Variants in TTC23L observed in about 807,000 individuals in gnomAD.
TTC23L encodes the protein tetratricopeptide repeat protein 23-like.
Under a neutral mutation model 48.1 loss-of-function variants are expected in TTC23L, and 42 were observed. The observed-to-expected ratio is 0.87, with a 90% confidence interval of 0.68 to 1.13. The LOEUF is 1.13. Among genes scored for constraint, TTC23L ranks in the 50% most tolerant of loss-of-function variants. TTC23L has a pLI of 0.00. For synonymous variants in TTC23L, 159 were observed against 157.2 expected (o/e 1.01, Z -0.09); for missense variants, 391 against 421.0 (o/e 0.93, Z 0.62).
At chr5:34,925,655 T>C in the TTC23L span, 1 of 608,400 alleles carries the variant, frequency 1.6e-6, no homozygotes, top group Non-Finnish European at 2.7e-6. Flanking sequence ...TTTTTCTAAA[T>C]AAAATATCAC....
intron 4 of TTC23L, 38 bp from the exon 5 acceptor site, chr5:34,862,860 T>G (rs1159974398): frequency 6.2e-6 from 10 of 1,610,670 alleles, no homozygotes; most frequent in Non-Finnish European, 7.6e-6. Flanking sequence ...GCCTTTTTAA[T>G]GTCTGTCTTC....
intron 2 of TTC23L, among the ~76,000 whole-genome samples, chr5:34,843,203 A>G (rs1216396705): frequency 6.6e-6 from 1 of 152,194 alleles, no homozygotes; most frequent in Non-Finnish European, 1.5e-5. Flanking sequence ...TTCACAGTAA[A>G]ATATCTGGGA....
At chr5:34,851,262 A>C (rs1028977510) in intron 4 of TTC23L, among the ~76,000 whole-genome samples, 2 of 152,172 alleles carry the variant, frequency 1.3e-5, no homozygotes, top group Admixed American at 6.5e-5. Context: ...TTATGGGCTT[A>C]AGTGATTTGA....
intron 4 of TTC23L, among the ~76,000 whole-genome samples, chr5:34,857,092 TA>T (rs1760196354): frequency 6.6e-6 from 1 of 152,132 alleles, no homozygotes; most frequent in South Asian, 2.1e-4. Context: ...GCAGAGTGTA[TA>T]AAAGTTGGTT....
At chr5:34,841,442 A>G (rs142795968) in intron 2 of TTC23L, among the ~76,000 whole-genome samples, 396 of 152,360 alleles carry the variant, frequency 2.6e-3, no homozygotes, top group African/African-American at 9.2e-3. Context: ...AAGAGATGTT[A>G]GGGAGTTTGC....
intron 2 of TTC23L, among the ~76,000 whole-genome samples, chr5:34,844,476 GTTA>G (rs1185105612): frequency 6.8e-6 from 1 of 147,756 alleles, no homozygotes; most frequent in Admixed American, 6.7e-5. Flanking sequence ...ACACTTGGCA[GTTA>G]TTTTCTTCTT....
chr5:34,894,301 T>C (rs1763065654), intron 9 of TTC23L, among the ~76,000 whole-genome samples: 1 of 152,164 alleles, frequency 6.6e-6, no homozygotes, highest in Non-Finnish European at 1.5e-5. Context: ...TGTCTACCAG[T>C]AGAAATACTA....
At chr5:34,919,473 AC>A in the TTC23L span, among the ~76,000 whole-genome samples, 1 of 152,048 alleles carries the variant, frequency 6.6e-6, no homozygotes, top group African/African-American at 2.4e-5. Context: ...GTTTTCTTTG[AC>A]ACCTAAGATT....
rs1254548845 is a variant in TTC23L, at chr5:34,863,926, C to T, written c.537-511C>T. ...TGATATGTGGCCTTCCTCTGTTATA[C>T]CCTTAGCAGGGGGCTATTGAAAATG... On this transcript the variant is annotated intron_variant, in intron 5 of 10. Transcript: ENST00000505624. This position sits in a 1 kb window ranked among gnomAD's most constrained non-coding sequence, Gnocchi z 4.1. 6.6e-6 allele frequency among the ~76,000 whole-genome samples: 1 copy of T among 152,164 alleles called. No homozygotes were observed. Among genetic ancestry groups the T allele is most frequent in the African/African-American group, 2.4e-5 (1 of 41,420 alleles).
chr5:34,851,849 T>C (rs1184695049), intron 4 of TTC23L, among the ~76,000 whole-genome samples: 1 of 152,164 alleles, frequency 6.6e-6, no homozygotes, highest in Non-Finnish European at 1.5e-5. Flanking sequence ...GATACATAAA[T>C]GAATATTGGT....
At chr5:34,864,263 TA>T (rs1378655781) in intron 5 of TTC23L, among the ~76,000 whole-genome samples, 173 bp from the exon 6 acceptor site, 1 of 152,230 alleles carries the variant, frequency 6.6e-6, no homozygotes, top group Non-Finnish European at 1.5e-5. Context: ...GTTCCTTTTC[TA>T]AAGAATTCTT....
chr5:34,912,825 C>G, the TTC23L span, among the ~76,000 whole-genome samples: 3 of 152,062 alleles, frequency 2.0e-5, no homozygotes, highest in Non-Finnish European at 4.4e-5. Context: ...TATGGTGAAA[C>G]CCCATCTCTA....
the TTC23L span, chr5:34,914,908 C>A: frequency 6.2e-7 from 1 of 1,613,764 alleles, no homozygotes; most frequent in South Asian, 1.1e-5. Flanking sequence ...ACTGCGCATT[C>A]GGCCCCGAGG....
At chr5:34,918,001 C>T in the TTC23L span, 1 of 158,130 alleles carries the variant, frequency 6.3e-6, no homozygotes, top group Non-Finnish European at 1.4e-5. Flanking sequence ...TGGTTATGAG[C>T]TACTTGGAAG....
At chr5:34,910,844 CCTCT>C in the TTC23L span, among the ~76,000 whole-genome samples, 9 of 152,254 alleles carry the variant, frequency 5.9e-5, no homozygotes, top group African/African-American at 1.7e-4. Context: ...ATATTTAGAT[CCTCT>C]CTCTAAATTG....
chr5:34,867,015 T>G, exon 7 of TTC23L: 1 of 1,612,182 alleles, frequency 6.2e-7, no homozygotes, highest in African/African-American at 1.3e-5. Context: ...AGGAAGCTGC[T>G]CAGATAGAGC....
At chr5:34,848,353 C>T (rs1759386161) in intron 3 of TTC23L, among the ~76,000 whole-genome samples, 1 of 152,160 alleles carries the variant, frequency 6.6e-6, no homozygotes, top group Admixed American at 6.5e-5. Context: ...TTCCCCAACC[C>T]ATCTTTAACC....
At chr5:34,845,729 A>T in intron 3 of TTC23L, 56 bp downstream of exon 3, 1 of 1,513,638 alleles carries the variant, frequency 6.6e-7, no homozygotes, top group Non-Finnish European at 8.9e-7. Flanking sequence ...GTTCCTGTTT[A>T]GAGAAGCTTT....
chr5:34,859,419 T>C (rs1183666854), intron 4 of TTC23L, among the ~76,000 whole-genome samples: 4 of 152,184 alleles, frequency 2.6e-5, no homozygotes, highest in South Asian at 2.1e-4. Flanking sequence ...ACAGATCTAA[T>C]TCCCCCTCCT....
Sources: gnomAD v4.1 joint callset for allele counts (sites outside exome capture counted in the v4.1 genomes callset) on GRCh38, gnomAD v4.1.1 for gene constraint, Gnocchi (gnomAD v3.1) non-coding constraint, MANE v1.5 for transcripts, NCBI Gene and HGNC (gene_info 2026-07-23, HGNC 2026-07-21) for gene names.